The following CUX1 variants were observed in gnomAD, a reference collection of about 807,000 sequenced individuals.
CUX1 encodes protein CASP.
A neutral mutation model predicts 158.8 loss-of-function variants in CUX1; 31 were observed. The ratio of observed to expected loss-of-function variants is 0.20; its 90% CI spans 0.15 to 0.26. The LOEUF (loss-of-function observed/expected upper bound fraction) is 0.26, where lower values mean the gene tolerates loss of function less well. CUX1 is among the 10% of genes least tolerant of loss of function. CUX1 has a pLI of 1.00. For missense variants in CUX1, 1,589 were observed against 2,014.6 expected (o/e 0.79, Z 4.04); for synonymous variants, 879 against 862.1 (o/e 1.02, Z -0.34).
intron 1 of CUX1, among the ~76,000 whole-genome samples, chr7:101,821,426 C>T (rs1792483036): frequency 6.6e-6 from 1 of 151,620 alleles, no homozygotes; most frequent in African/African-American, 2.4e-5. Flanking sequence ...GCAAACTCCG[C>T]CTCCCGGGTT....
Position 102,256,514 on chromosome 7 carries a change from AG to A in CUX1, c.*7477del. 1.0e-6 allele frequency: 1 copy of A among 985,378 alleles called. No individual in the cohort carries two copies. The highest frequency in any genetic ancestry group is 1.2e-6 in the Non-Finnish European group (1 of 829,932). The allele number at this position is 985,378 out of a possible 1,614,324, so 61.0% of individuals were successfully genotyped here. ...GTCTGGGGGATTGACTGGGGGGCAG[AG>A]GGGGTTTCCCCAGCAAAATCAAACA... is the stretch of plus-strand genomic sequence containing the variant. On this transcript the variant is annotated 3_prime_UTR_variant, in exon 24 of 24. Coordinates refer to ENST00000292535, the MANE Select transcript of CUX1 (RefSeq NM_181552.4).
intron 20 of CUX1, among the ~76,000 whole-genome samples, chr7:102,214,101 C>T (rs1796812310): frequency 6.6e-6 from 1 of 151,946 alleles, no homozygotes; most frequent in Non-Finnish European, 1.5e-5. Context: ...CACTGCACTC[C>T]AGCCTGGGCA....
intron 2 of CUX1, among the ~76,000 whole-genome samples, chr7:102,023,332 C>A (rs1819604771): frequency 6.6e-6 from 1 of 152,122 alleles, no homozygotes; most frequent in East Asian, 1.9e-4. Context: ...AAGGATTGTG[C>A]GGGTGTGCAT....
exon 23 of CUX1, chr7:102,283,678 T>C (rs992550754): frequency 2.0e-5 from 3 of 152,786 alleles, no homozygotes; most frequent in African/African-American, 7.3e-5. Flanking sequence ...ACAGTTTCTA[T>C]TACCCCCTCC....
chr7:102,225,808 G>T (rs1798289349), intron 20 of CUX1, among the ~76,000 whole-genome samples: 1 of 152,248 alleles, frequency 6.6e-6, no homozygotes, highest in South Asian at 2.1e-4. Flanking sequence ...GGGCAACCTA[G>T]CAAGACCCCA....
intron 3 of CUX1, among the ~76,000 whole-genome samples, chr7:102,037,962 C>T (rs1197305797): frequency 1.3e-5 from 2 of 150,838 alleles, no homozygotes; most frequent in East Asian, 3.9e-4. Context: ...GACTGAGGCA[C>T]GAGAGTTGCT....
At chr7:102,168,113 A>G (rs1354186138) in intron 9 of CUX1, among the ~76,000 whole-genome samples, 1 of 151,910 alleles carries the variant, frequency 6.6e-6, no homozygotes, top group Non-Finnish European at 1.5e-5. Context: ...CAGTTGATTA[A>G]TTAGCATGAA....
At chr7:102,113,161 T>A (rs1486041342) in intron 7 of CUX1, among the ~76,000 whole-genome samples, 1 of 152,190 alleles carries the variant, frequency 6.6e-6, no homozygotes, top group Non-Finnish European at 1.5e-5. Context: ...AATGCAAAGT[T>A]TTTTTTACAG....
chr7:102,121,258 C>T (rs1435460512), intron 8 of CUX1, among the ~76,000 whole-genome samples: 1 of 152,092 alleles, frequency 6.6e-6, no homozygotes, highest in Non-Finnish European at 1.5e-5. Flanking sequence ...ACCTCCACCT[C>T]CCGGGTTCAA....
At chr7:102,092,830 T>C (rs190423153) in intron 4 of CUX1, among the ~76,000 whole-genome samples, 1 of 148,850 alleles carries the variant, frequency 6.7e-6, no homozygotes, top group Non-Finnish European at 1.5e-5. Flanking sequence ...GGAGAATTGC[T>C]TGAACACGGG....
chr7:102,060,937 G>T (rs1269658182), intron 3 of CUX1, among the ~76,000 whole-genome samples: 1 of 107,022 alleles, frequency 9.3e-6, no homozygotes. Flanking sequence ...TTTTTTTGGA[G>T]ACAGACTCTC....
At position 102,201,991 on chromosome 7, in the gene CUX1, C is replaced by T. The variant is rs966203796; in HGVS notation, c.2694C>T (p.Thr898=). 22 of 1,613,846 alleles carry T rather than the reference C, an allele frequency of 1.4e-5. No individual in the cohort carries two copies. The highest frequency in any genetic ancestry group is 1.7e-5 in the Non-Finnish European group (20 of 1,179,998). The change falls in exon 18 of 24, where the codon ACC becomes ACT. Residue 898 remains threonine, a synonymous_variant. Coordinates refer to ENST00000292535, the MANE Select transcript of CUX1 (RefSeq NM_181552.4). The surrounding 1 kb of genome is among the most constrained non-coding windows in gnomAD (Gnocchi z 5.0). Reference sequence around the variant, plus strand: ...CCCAGAGCTCAGAGCTGAGTCTGACCGGGGCCAGCCGCAGCGAGACACCAC... The same window carrying T: ...CCCAGAGCTCAGAGCTGAGTCTGACTGGGGCCAGCCGCAGCGAGACACCAC... ...PYSQSSELSL[T]GASRSETPQN... is the part of the protein sequence containing the mutation.
In CUX1 at chr7:101,916,992, G is replaced by A. The variant is rs1353287509; in HGVS notation, c.141+767G>A. Among the ~76,000 whole-genome samples, 1 of 151,980 alleles carries A rather than the reference G, an allele frequency of 6.6e-6. No homozygotes were observed. Among genetic ancestry groups the A allele is most frequent in the Non-Finnish European group, 1.5e-5 (1 of 68,024 alleles). On this transcript the variant is annotated intron_variant, in intron 2 of 23. Coordinates refer to ENST00000292535, the MANE Select transcript of CUX1 (RefSeq NM_181552.4). This position sits in a 1 kb window ranked among gnomAD's most constrained non-coding sequence, Gnocchi z 4.4. ...TTTCCGGGTGACATCTGCCAGTTTG[G>A]TCCCCATGGCGCTCATCCCGCGGGC... is the stretch of plus-strand genomic sequence containing the variant.
At chr7:101,981,594 T>C (rs1813450197) in intron 2 of CUX1, among the ~76,000 whole-genome samples, 2 of 152,090 alleles carry the variant, frequency 1.3e-5, no homozygotes, top group African/African-American at 4.8e-5. Flanking sequence ...AATGCAAATG[T>C]CAGAGGCTCT....
At chr7:102,167,137 G>A (rs1391081922) in intron 9 of CUX1, among the ~76,000 whole-genome samples, 8 of 151,880 alleles carry the variant, frequency 5.3e-5, no homozygotes, top group East Asian at 3.9e-4. Flanking sequence ...GCGTGATGGC[G>A]GGCATCTGTA....
At chr7:102,206,462 T>C (rs1773037787) in intron 20 of CUX1, among the ~76,000 whole-genome samples, 1 of 152,004 alleles carries the variant, frequency 6.6e-6, no homozygotes, top group African/African-American at 2.4e-5. Context: ...TGTGCTGGAG[T>C]TTTACGGACG....
At chr7:102,209,901 TAGAC>T (rs1255092668) in intron 20 of CUX1, among the ~76,000 whole-genome samples, 12 of 152,176 alleles carry the variant, frequency 7.9e-5, no homozygotes, top group African/African-American at 2.9e-4. Context: ...TTATTTTTTA[TAGAC>T]AGACGGGGAC....
chr7:102,074,822 C>T (rs1022787239), intron 4 of CUX1, among the ~76,000 whole-genome samples: 18 of 152,308 alleles, frequency 1.2e-4, no homozygotes, highest in Admixed American at 1.0e-3. Flanking sequence ...CTTCTTTTGG[C>T]GGGTAGCATC....
At chr7:101,886,509 C>G (rs1310079111) in intron 1 of CUX1, among the ~76,000 whole-genome samples, 1 of 152,160 alleles carries the variant, frequency 6.6e-6, no homozygotes, top group African/African-American at 2.4e-5. Flanking sequence ...CCGGCACCCA[C>G]CTTTTTGTGG....
Sources: allele counts gnomAD v4.1 joint callset (sites outside exome capture counted in the v4.1 genomes callset), GRCh38; gene constraint gnomAD v4.1.1; non-coding constraint Gnocchi (gnomAD v3.1); transcripts MANE v1.5; gene names NCBI Gene and HGNC (gene_info 2026-07-23, HGNC 2026-07-21).